PIGZ: variants seen among roughly 807,000 people sequenced by gnomAD.
PIGZ encodes phosphatidylinositol glycan anchor biosynthesis class Z (Gwada blood group), also known as GPI alpha-1,2-mannosyltransferase 4.
A neutral mutation model predicts 16.4 loss-of-function variants in PIGZ; 16 were observed. The observed-to-expected ratio is 0.97, with a 90% CI of 0.66 to 1.48. The LOEUF is 1.48. Ranked by LOEUF, PIGZ falls within the 40% of genes most tolerant of loss-of-function variation. The pLI is 0.00. For synonymous variants in PIGZ, 409 were observed against 338.4 expected (o/e 1.21, Z -2.29); for missense variants, 770 against 739.2 (o/e 1.04, Z -0.48).
chr3:196,950,265 G>A (rs1010455660), intron 2 of PIGZ, among the ~76,000 whole-genome samples: 1 of 152,062 alleles, frequency 6.6e-6, no homozygotes, highest in African/African-American at 2.4e-5. Flanking sequence ...GATTACAGGC[G>A]TGAGCCACTG....
chr3:196,964,044 T>TTATTTATTTA (rs10650839), intron 1 of PIGZ, among the ~76,000 whole-genome samples: 9,873 of 151,270 alleles, frequency 0.065, 599 homozygotes, highest in African/African-American at 0.16. Context: ...TTATTTTTAT[T>TTATTTATTTA]TTTATTTATT....
At chr3:196,956,905 C>T (rs559976526) in intron 1 of PIGZ, among the ~76,000 whole-genome samples, 2 of 152,274 alleles carry the variant, frequency 1.3e-5, no homozygotes, top group Admixed American at 6.5e-5. Flanking sequence ...TTTGATAACT[C>T]CAGCATCTAA....
intron 2 of PIGZ, 47 bp downstream of exon 2, chr3:196,951,774 A>T: frequency 6.3e-7 from 1 of 1,594,980 alleles, no homozygotes; most frequent in Non-Finnish European, 8.6e-7. Flanking sequence ...CAGCTTCTCA[A>T]GCAGACTCTG....
At chr3:196,962,822 C>T (rs1055004697) in intron 1 of PIGZ, among the ~76,000 whole-genome samples, 2 of 152,148 alleles carry the variant, frequency 1.3e-5, no homozygotes, top group African/African-American at 4.8e-5. Flanking sequence ...CCACCATTAC[C>T]CTATAGTCCT....
intron 2 of PIGZ, among the ~76,000 whole-genome samples, chr3:196,951,328 G>A (rs1216088736): frequency 1.3e-5 from 2 of 152,124 alleles, no homozygotes; most frequent in African/African-American, 4.8e-5. Context: ...CAAGGCCTTT[G>A]GGCGAGACGG....
chr3:196,962,621 C>T (rs1398234143), intron 1 of PIGZ, among the ~76,000 whole-genome samples: 1 of 152,074 alleles, frequency 6.6e-6, no homozygotes, highest in Non-Finnish European at 1.5e-5. Context: ...CGCCCTATGG[C>T]TGGAGGTGAG....
intron 1 of PIGZ, among the ~76,000 whole-genome samples, chr3:196,962,672 C>G (rs1190137035): frequency 2.2e-5 from 3 of 136,282 alleles, no homozygotes; most frequent in African/African-American, 8.7e-5. Context: ...CACGGCAATA[C>G]TGATCTTTAC....
intron 1 of PIGZ, among the ~76,000 whole-genome samples, chr3:196,953,010 G>C (rs1717351683): frequency 6.6e-6 from 1 of 152,068 alleles, no homozygotes. Flanking sequence ...TACACTGTAG[G>C]CTCCTCTGTT....
intron 1 of PIGZ, among the ~76,000 whole-genome samples, chr3:196,956,359 C>T (rs1577891759): frequency 6.6e-6 from 1 of 152,084 alleles, no homozygotes; most frequent in Non-Finnish European, 1.5e-5. Context: ...TGGCAGCAGG[C>T]AAAAAGCGAA....
intron 2 of PIGZ, among the ~76,000 whole-genome samples, chr3:196,951,069 T>C (rs1398824564): frequency 6.6e-6 from 1 of 152,252 alleles, no homozygotes; most frequent in Admixed American, 6.5e-5. Context: ...TTCTGGGCAC[T>C]TGGTCAGATA....
intron 1 of PIGZ, 144 bp from the exon 2 acceptor site, chr3:196,952,175 AG>A: frequency 1.3e-6 from 1 of 784,348 alleles, no homozygotes; most frequent in Non-Finnish European, 2.1e-6. Context: ...ACTAACTGCC[AG>A]GCACGTGACA....
intron 1 of PIGZ, among the ~76,000 whole-genome samples, chr3:196,958,778 G>C (rs1717599857): frequency 6.6e-6 from 1 of 152,204 alleles, no homozygotes; most frequent in South Asian, 2.1e-4. Flanking sequence ...GTCATGTTGA[G>C]AGTTAAGACA....
chr3:196,948,893 T>TCCTTC (rs1190554368), intron 2 of PIGZ, among the ~76,000 whole-genome samples: 8 of 84,678 alleles, frequency 9.4e-5, no homozygotes, highest in African/African-American at 4.4e-4. Flanking sequence ...TCCTTCCCCT[T>TCCTTC]CCTTCCCTTC....
In PIGZ at chr3:196,946,782, G is replaced by T; in HGVS notation, c.*375C>A. On this transcript the variant is annotated 3_prime_UTR_variant, in exon 3 of 3. Transcript: ENST00000412723. ...CATGACAGCAAGGGTAAGGCATCAT[G>T]GGAGGTTTGGGAGAGGTCATTGAGG... 5.6e-6 allele frequency: 1 copy of T among 179,716 alleles called. No homozygotes were observed. 11.1% of individuals were successfully genotyped at this position (179,716 alleles called of 1,614,324 possible). A position where few individuals can be genotyped will look rare whatever the true frequency, so the allele number is the denominator to read the frequency against.
At chr3:196,964,978 C>G (rs184327860) in intron 1 of PIGZ, among the ~76,000 whole-genome samples, 2 of 152,278 alleles carry the variant, frequency 1.3e-5, no homozygotes, top group Admixed American at 1.3e-4. Context: ...CTCCACTGCC[C>G]TGCTCCACTG....
intron 2 of PIGZ, among the ~76,000 whole-genome samples, chr3:196,950,008 CAG>C (rs1276876681): frequency 4.6e-5 from 7 of 150,884 alleles, no homozygotes; most frequent in East Asian, 1.9e-4. Flanking sequence ...TTTTTTTAGA[CAG>C]AGTCTCACTC....
Position 196,947,048 on chromosome 3 carries a change from T to C in PIGZ, c.*109A>G, listed in dbSNP as rs940692663. 2 of 976,570 alleles carry C rather than the reference T, an allele frequency of 2.0e-6. No homozygotes were observed. Among genetic ancestry groups the C allele is most frequent in the Non-Finnish European group, 3.0e-6 (2 of 672,104 alleles). 60.5% of individuals were successfully genotyped at this position (976,570 alleles called of 1,614,324 possible). A position where few individuals can be genotyped will look rare whatever the true frequency, so the allele number is the denominator to read the frequency against. On this transcript the variant is annotated 3_prime_UTR_variant, in exon 3 of 3. Transcript: ENST00000412723. ...CCAGGAGAGGCAGCAGTGGGAGTCA[T>C]GAAGGAGGACGGGGTCCTGTCCCAG...
Position 196,948,447 on chromosome 3 carries a change from C to A in PIGZ, c.450G>T (p.Pro150=), listed in dbSNP as rs200731284. ...GGGCGTTCCAGCGATCCGCCCCCAT[C>A]GGCGGGGCCAGGTGGTACACGGCCC... ...LDGAVYHLAP[P]MGADRWNALA... The change falls in exon 3 of 3, where the codon CCG becomes CCT. Residue 150 remains proline (P), a synonymous_variant. Transcript: ENST00000412723. 6 of 1,613,984 alleles carry A rather than the reference C, an allele frequency of 3.7e-6. No individual in the cohort carries two copies. The highest frequency in any genetic ancestry group is 5.1e-6 in the Non-Finnish European group (6 of 1,180,018).
rs767392719 is a variant in PIGZ at position 196,948,066 on chromosome 3, G to A, written c.831C>T (p.Ser277=). ...ATGTAGCGGGGCTGGAGAAATACCA[G>A]CTGTCCGTGGCCACAAACACCGCTG... The part of the protein sequence containing the change: ...LTAAVFVATD[S]WYFSSPATSR... Residue 277 remains serine (S), a synonymous_variant, in exon 3 of 3, where the codon AGC becomes AGT. Coordinates refer to ENST00000412723, the MANE Select transcript of PIGZ (RefSeq NM_025163.4). The A allele has an allele frequency of 6.3e-7, 1 of 1,587,490 alleles. No individual in the cohort carries two copies. The highest frequency in any genetic ancestry group is 8.6e-7 in the Non-Finnish European group (1 of 1,163,796).
Sources: allele counts gnomAD v4.1 joint callset (sites outside exome capture counted in the v4.1 genomes callset), GRCh38; gene constraint gnomAD v4.1.1; transcripts MANE v1.5; gene names NCBI Gene and HGNC (gene_info 2026-07-23, HGNC 2026-07-21).